The following GC variants were observed in gnomAD, a reference collection of about 807,000 sequenced individuals.
The protein encoded by GC is GC vitamin D binding protein.
In GC, 43 loss-of-function variants were observed where a neutral mutation model predicts 56.7. The ratio of observed to expected loss-of-function variants is 0.76; its 90% CI spans 0.59 to 0.98. GC has a LOEUF of 0.98. GC is among the 50% of genes least tolerant of loss of function. The probability of loss-of-function intolerance (pLI) is 0.00; values close to 1 mark genes in which losing one functional copy is unlikely to be tolerated. For synonymous variants in GC, 216 were observed against 202.7 expected, an observed-to-expected ratio of 1.07 and a Z score of -0.56; for missense variants, 529 against 545.9, an observed-to-expected ratio of 0.97 and a Z score of 0.31.
At chr4:71,788,725 G>T (rs976542300), upstream of GC, among the ~76,000 whole-genome samples, 4 of 151,044 alleles carry the variant, frequency 2.6e-5, no homozygotes, top group Non-Finnish European at 5.9e-5. Context: ...AAGAAAGAAA[G>T]AAATTGAAAA....
intron 7 of GC, among the ~76,000 whole-genome samples, chr4:71,757,402 T>C: frequency 6.6e-6 from 1 of 152,138 alleles, no homozygotes; most frequent in Non-Finnish European, 1.5e-5. Flanking sequence ...TATCTATTAC[T>C]ACAGAGATTG....
At chr4:71,764,438 C>T (rs530471870) in intron 4 of GC, among the ~76,000 whole-genome samples, 27 of 152,200 alleles carry the variant, frequency 1.8e-4, no homozygotes, top group Non-Finnish European at 2.6e-4. Flanking sequence ...AATAGATTTA[C>T]AAATTTCTAT....
upstream of GC, among the ~76,000 whole-genome samples, chr4:71,788,405 G>T (rs1035687428): frequency 2.0e-5 from 3 of 151,536 alleles, no homozygotes; most frequent in Non-Finnish European, 4.4e-5. Context: ...TTAACCAAAT[G>T]GTTTCATTTA....
chr4:71,758,080 A>G lies in GC; in HGVS notation c.793T>C (p.Cys265Arg), dbSNP rs1473736035. Residue 265 changes from cysteine to arginine, a missense_variant, in exon 7 of 13, where the codon TGC becomes CGC. Cys to Arg is a radical substitution (Grantham distance 180). Coordinates refer to ENST00000273951, the MANE Select transcript of GC (RefSeq NM_000583.4). ...CAATCTTCAGAGGCAGACTCACAGC[A>G]TTTGGAGAGGATGTTAGTAATATCT... is the stretch of plus-strand genomic sequence containing the variant. ...AEDITNILSKCCESASEDCMA... is the reference protein window; with the variant it reads ...AEDITNILSKRCESASEDCMA... The G allele has an allele frequency of 1.9e-6, 3 of 1,613,480 alleles. No homozygotes were observed. The highest frequency in any genetic ancestry group is 2.5e-6 in the Non-Finnish European group (3 of 1,179,582).
At chr4:71,742,092 A>G (rs749443444) in intron 12 of GC, among the ~76,000 whole-genome samples, 1 of 152,216 alleles carries the variant, frequency 6.6e-6, no homozygotes, top group African/African-American at 2.4e-5. Context: ...ATGGCTTTAT[A>G]TGCCATACAC....
At chr4:71,750,519 T>C (rs1349472553) in intron 11 of GC, among the ~76,000 whole-genome samples, 2 of 152,310 alleles carry the variant, frequency 1.3e-5, no homozygotes, top group Middle Eastern at 3.4e-3. Context: ...TAATAGAAAC[T>C]GGGCTTTATT....
At chr4:71,762,941 A>G (rs1002145519) in intron 6 of GC, among the ~76,000 whole-genome samples, 3 of 152,202 alleles carry the variant, frequency 2.0e-5, no homozygotes, top group Non-Finnish European at 4.4e-5. Flanking sequence ...GTAGATAACT[A>G]ATGAGAATAA....
intron 9 of GC, 136 bp downstream of exon 9, chr4:71,754,842 T>A: frequency 1.7e-6 from 1 of 602,712 alleles, no homozygotes; most frequent in Non-Finnish European, 2.9e-6. Context: ...CCCAACAATG[T>A]AAAAATGTAA....
intron 1 of GC, among the ~76,000 whole-genome samples, chr4:71,770,689 G>A (rs961045616): frequency 6.6e-6 from 1 of 152,148 alleles, no homozygotes; most frequent in African/African-American, 2.4e-5. Flanking sequence ...AAGAGAACAG[G>A]CAAAGGAGAC....
intron 8 of GC, 73 bp downstream of exon 8, chr4:71,756,639 C>A: frequency 1.1e-6 from 1 of 932,938 alleles, no homozygotes; most frequent in Admixed American, 1.8e-5. Flanking sequence ...ACCTTCCCTC[C>A]ATCTGGCTGG....
intron 1 of GC, among the ~76,000 whole-genome samples, chr4:71,778,894 A>ATTG (rs35503159): frequency 0.022 from 3,201 of 144,544 alleles, 82 homozygotes; most frequent in Middle Eastern, 0.036. Flanking sequence ...GCTGTCAGTT[A>ATTG]TTATTATTAT....
Position 71,783,990 on chromosome 4 carries a change from G to A in GC, c.29C>T (p.Ala10Val). 1.2e-6 allele frequency: 2 copies of A among 1,602,032 alleles called. No individual in the cohort carries two copies. Among genetic ancestry groups the A allele is most frequent in the South Asian group, 1.1e-5 (1 of 89,080 alleles). Residue 10 changes from alanine to valine, a missense_variant, in exon 1 of 13, where the codon GCT becomes GTT. Ala to Val is a moderately conservative substitution (Grantham distance 64). Transcript: ENST00000273951. ...CTCTAAAGCATGTCCAAATGCCACA[G>A]CAAGCAGTAGTACCAGGACCCTCTT... MKRVLVLLL[A>V]VAFGHALERG...
At chr4:71,746,731 T>C (rs1216243308) in intron 11 of GC, among the ~76,000 whole-genome samples, 6 of 131,222 alleles carry the variant, frequency 4.6e-5, no homozygotes, top group African/African-American at 1.8e-4. Context: ...AGCAAGTCAC[T>C]ACTTGGAGAA....
Position 71,801,332 on chromosome 4 carries a change from A to G in GC, c.21+2594T>C, listed in dbSNP as rs111409397. ...CTCAAAGTCATAAATTAAATCCTCC[A>G]TAGTCTTCTGAGCACATTTCCTACT... On this transcript the variant is annotated intron_variant, in intron 1 of 13. Coordinates refer to the GC transcript ENST00000504199. 1.8e-4 allele frequency among the ~76,000 whole-genome samples: 28 copies of G among 152,338 alleles called. 2 individuals are homozygous for G. Among genetic ancestry groups the G allele is most frequent in the African/African-American group, 6.7e-4 (28 of 41,584 alleles).
Position 71,803,937 on chromosome 4 carries a change from AC to A in GC, c.9del (p.Trp3CysfsTer18). On this transcript the variant is annotated frameshift_variant, in exon 1 of 14. Transcript: ENST00000504199. LOFTEE classifies it high-confidence loss of function. ...TTAGAACGCAGTACCTCACTCCAAG[AC>A]CACAGCATTTCCTACCAGTTGGACT... is the stretch of plus-strand genomic sequence containing the variant. The A allele has an allele frequency of 1.3e-6, 2 of 1,508,304 alleles. No homozygotes were observed. The highest frequency in any genetic ancestry group is 1.8e-6 in the Non-Finnish European group (2 of 1,121,510). The allele number at this position is 1,508,304 out of a possible 1,614,324, so 93.4% of individuals were successfully genotyped here. A position where few individuals can be genotyped will look rare whatever the true frequency, so the allele number is the denominator to read the frequency against.
At chr4:71,768,772 A>C (rs1180789148) in intron 2 of GC, among the ~76,000 whole-genome samples, 1 of 152,204 alleles carries the variant, frequency 6.6e-6, no homozygotes, top group Admixed American at 6.5e-5. Flanking sequence ...CCAGAACTGA[A>C]ACTTTCTTTT....
intron 1 of GC, among the ~76,000 whole-genome samples, chr4:71,781,846 T>C (rs959601394): frequency 6.6e-6 from 1 of 151,924 alleles, no homozygotes; most frequent in African/African-American, 2.4e-5. Flanking sequence ...TGCTGTTTGA[T>C]AGGAGAGGGC....
chr4:71,756,809 A>C lies in GC; in HGVS notation c.937T>G (p.Tyr313Asp). ...GGGAGTTGGGCAGCTGGCATGAAGTAAGTGCACACAAAAACGTCCATGGCT... is the reference window on the plus strand; with the variant it reads ...GGGAGTTGGGCAGCTGGCATGAAGTCAGTGCACACAAAAACGTCCATGGCT... Reference protein sequence around the residue: ...KTAMDVFVCTYFMPAAQLPEL... With the variant: ...KTAMDVFVCTDFMPAAQLPEL... Residue 313 changes from tyrosine (Y) to aspartate (D), a missense_variant, in exon 8 of 13, where the codon TAC (tyrosine) becomes GAC (aspartate). Transcript: ENST00000273951. The C allele has an allele frequency of 6.2e-7, 1 of 1,613,222 alleles. No individual in the cohort carries two copies. The highest frequency in any genetic ancestry group is 8.5e-7 in the Non-Finnish European group (1 of 1,179,236).
intron 1 of GC, among the ~76,000 whole-genome samples, chr4:71,783,391 A>T (rs1271724399): frequency 3.3e-5 from 5 of 151,832 alleles, no homozygotes; most frequent in Non-Finnish European, 7.4e-5. Flanking sequence ...ATTTCAATGA[A>T]AAATATAACT....
Sources: gnomAD v4.1 joint callset for allele counts (sites outside exome capture counted in the v4.1 genomes callset) on GRCh38, gnomAD v4.1.1 for gene constraint, MANE v1.5 for transcripts, NCBI Gene and HGNC (gene_info 2026-07-23, HGNC 2026-07-21) for gene names.